ZBED6: variants seen among roughly 807,000 people sequenced by gnomAD.
ZBED6 encodes zinc finger BED domain-containing protein 6.
Under a neutral mutation model 58.4 loss-of-function variants are expected in ZBED6, and 40 were observed. The ratio of observed to expected loss-of-function variants is 0.68; its 90% CI spans 0.53 to 0.89. The LOEUF is 0.89. Ranked by LOEUF, ZBED6 falls within the 40% of genes least tolerant of loss-of-function variation. ZBED6 has a pLI of 0.00. For missense variants in ZBED6, 1,057 were observed against 1,003.9 expected (o/e 1.05, Z -0.71); for synonymous variants, 439 against 350.6 (o/e 1.25, Z -2.82).
chr1:203,851,853 C>T (rs1262277012), intron 16 of ZBED6, among the ~76,000 whole-genome samples: 1 of 151,286 alleles, frequency 6.6e-6, no homozygotes, highest in East Asian at 2.0e-4. Flanking sequence ...CCTGTAGACC[C>T]AGCTACTTGG....
chr1:203,847,117 G>C, intron 11 of ZBED6, 67 bp from the exon 12 acceptor site: 1 of 1,547,314 alleles, frequency 6.5e-7, no homozygotes. Context: ...TCCAAGAATA[G>C]AGAGATCATA....
intron 1 of ZBED6, among the ~76,000 whole-genome samples, chr1:203,805,444 A>C (rs764875372): frequency 6.6e-6 from 1 of 152,148 alleles, no homozygotes; most frequent in African/African-American, 2.4e-5. Context: ...ATCAAGTTTT[A>C]GTACAAAGAA....
chr1:203,805,882 A>C (rs187740553), intron 1 of ZBED6: 14 of 769,032 alleles, frequency 1.8e-5, no homozygotes, highest in Admixed American at 3.6e-5. Context: ...CTGGTCTTGT[A>C]AATTCTCAAT....
intron 1 of ZBED6, among the ~76,000 whole-genome samples, chr1:203,811,407 A>G (rs950531533): frequency 6.6e-6 from 1 of 152,222 alleles, no homozygotes; most frequent in Non-Finnish European, 1.5e-5. Flanking sequence ...TGTTTCAATT[A>G]CTTTGTTGCT....
intron 4 of ZBED6, 52 bp from the exon 5 acceptor site, chr1:203,829,399 A>C (rs758952314): frequency 2.3e-5 from 37 of 1,596,748 alleles, no homozygotes; most frequent in Non-Finnish European, 2.9e-5. Flanking sequence ...ATTTTTGGTA[A>C]GTTGGGGTTG....
chr1:203,830,925 A>ATT lies in ZBED6; in HGVS notation c.*3400-699_*3400-698dup, dbSNP rs774771270. 1.5e-3 allele frequency among the ~76,000 whole-genome samples: 75 copies of ATT among 51,380 alleles called. 8 individuals carry two copies. The highest frequency in any genetic ancestry group is 2.4e-3 in the African/African-American group (34 of 14,088). The allele number at this position is 51,380 out of a possible 152,430, so 33.7% of individuals were successfully genotyped here. On this transcript the variant is annotated intron_variant, in intron 7 of 16. Transcript: ENST00000550078. ...GATTGCTCTGTATTTCCAACCCCCA[A>ATT]TTTTTTTTTTTTTTTTTTTTTTTTT...
intron 9 of ZBED6, chr1:203,835,488 T>C (rs1270265544): frequency 6.4e-6 from 1 of 156,608 alleles, no homozygotes; most frequent in Non-Finnish European, 1.4e-5. Context: ...CAAGAAACAA[T>C]AACAGTTCTA....
exon 1 of ZBED6, chr1:203,802,255 T>A (rs546416595): frequency 2.6e-5 from 4 of 152,746 alleles, no homozygotes; most frequent in South Asian, 2.1e-4. Context: ...TGTAAGGATT[T>A]ACCTTCGTCT....
chr1:203,826,541 C>G (rs961596806), intron 3 of ZBED6, among the ~76,000 whole-genome samples: 2 of 152,130 alleles, frequency 1.3e-5, no homozygotes, highest in Non-Finnish European at 2.9e-5. Flanking sequence ...CTGCCTGATT[C>G]TTCCACGTCC....
chr1:203,810,103 G>A (rs1460599572), intron 1 of ZBED6, among the ~76,000 whole-genome samples: 2 of 151,614 alleles, frequency 1.3e-5, no homozygotes, highest in African/African-American at 4.8e-5. Flanking sequence ...AGTCATTGGA[G>A]CATCATTTAA....
chr1:203,818,646 G>A (rs780868904), exon 3 of ZBED6: 3 of 1,614,138 alleles, frequency 1.9e-6, no homozygotes, highest in Non-Finnish European at 1.7e-6. Flanking sequence ...CAAGAAGGGC[G>A]CTGTTTTCGA....
rs1297353479 is a variant in ZBED6, at chr1:203,847,091, T to A, written c.*3742-93T>A. 3.0e-6 allele frequency: 4 copies of A among 1,341,920 alleles called. No homozygotes were observed. The Admixed American group carries it at 8.6e-5, about 29-fold the overall frequency. The allele number at this position is 1,341,920 out of a possible 1,614,324, so 83.1% of individuals were successfully genotyped here. A position where few individuals can be genotyped will look rare whatever the true frequency, so the allele number is the denominator to read the frequency against. On this transcript the variant is annotated intron_variant, in intron 11 of 16. Transcript: ENST00000550078. ...ATTGCCTGCTTAAATGATAGCTCTCTGTTGGACTGTCTTGATCCAAGAATA... is the reference window on the plus strand; with the variant it reads ...ATTGCCTGCTTAAATGATAGCTCTCAGTTGGACTGTCTTGATCCAAGAATA...
upstream of ZBED6, chr1:203,795,681 G>GTGC (rs1209141948): frequency 1.3e-5 from 2 of 152,222 alleles, no homozygotes; most frequent in Admixed American, 6.5e-5. Flanking sequence ...TTTTCTGCTA[G>GTGC]TGCTGCTGCT....
Position 203,851,777 on chromosome 1 carries a change from A to T in ZBED6, c.*4874-364A>T, listed in dbSNP as rs573814464. 6.6e-5 allele frequency among the ~76,000 whole-genome samples: 10 copies of T among 152,064 alleles called. No individual in the cohort carries two copies. In the South Asian group the frequency reaches 2.1e-3, roughly 32 times the overall value. On this transcript the variant is annotated intron_variant, in intron 16 of 16. Transcript: ENST00000550078. ...CAGGAGTTCAAGACCAGCCTGGACA[A>T]CATAGTGAGGTCTTGTCTCTAATAA...
At chr1:203,822,984 A>G (rs1679277464) in intron 3 of ZBED6, among the ~76,000 whole-genome samples, 1 of 152,170 alleles carries the variant, frequency 6.6e-6, no homozygotes, top group African/African-American at 2.4e-5. Flanking sequence ...TTGTCTCTTA[A>G]CTACATTCTA....
At chr1:203,848,192 T>G in intron 12 of ZBED6, 139 bp from the exon 13 acceptor site, 1 of 728,408 alleles carries the variant, frequency 1.4e-6, no homozygotes, top group Non-Finnish European at 2.3e-6. Flanking sequence ...TTTGAGACTT[T>G]AGGAGCACAG....
At chr1:203,823,574 G>A (rs936305596) in intron 3 of ZBED6, among the ~76,000 whole-genome samples, 16 of 152,292 alleles carry the variant, frequency 1.1e-4, no homozygotes, top group East Asian at 3.9e-4. Flanking sequence ...AACTTGGAGC[G>A]TCTAAAAGCC....
intron 1 of ZBED6, chr1:203,806,188 C>A: frequency 2.1e-6 from 1 of 466,486 alleles, no homozygotes. Context: ...TTCTGCCCTG[C>A]TGTCCACCAT....
chr1:203,852,505 G>A, exon 17 of ZBED6: 1 of 1,330,778 alleles, frequency 7.5e-7, no homozygotes, highest in Non-Finnish European at 1.0e-6. Context: ...TCTAGAATTT[G>A]CCCCAAATCA....
Sources: gnomAD v4.1 joint callset for allele counts (sites outside exome capture counted in the v4.1 genomes callset) on GRCh38, gnomAD v4.1.1 for gene constraint, MANE v1.5 for transcripts, NCBI Gene and HGNC (gene_info 2026-07-23, HGNC 2026-07-21) for gene names.